Variants in HTT observed in about 807,000 individuals in gnomAD.
The protein encoded by HTT is huntingtin, also known as huntington disease protein.
Under a neutral mutation model 362.3 loss-of-function variants are expected in HTT, and 104 were observed. That is an observed-to-expected ratio of 0.29 (90% CI 0.24 to 0.34). HTT has a LOEUF of 0.34. HTT is among the 10% of genes least tolerant of loss of function. The pLI, the probability that HTT is intolerant of heterozygous loss-of-function variation, is 1.00. For missense variants in HTT, 3,301 were observed against 3,928.6 expected (o/e 0.84, Z 4.27); for synonymous variants, 1,577 against 1,548.7 (o/e 1.02, Z -0.43).
chr4:3,224,850 G>T (rs888375070), intron 56 of HTT, among the ~76,000 whole-genome samples: 1 of 152,336 alleles, frequency 6.6e-6, no homozygotes, highest in Non-Finnish European at 1.5e-5. Context: ...AGTAAACTGA[G>T]CACTTGGAGG....
At chr4:3,087,785 A>T (rs1713290697) in intron 2 of HTT, among the ~76,000 whole-genome samples, 1 of 152,224 alleles carries the variant, frequency 6.6e-6, no homozygotes, top group Non-Finnish European at 1.5e-5. Flanking sequence ...CTTTATAGTC[A>T]GTCAGAAAAA....
chr4:3,119,186 C>T (rs550577096), intron 8 of HTT, among the ~76,000 whole-genome samples: 1 of 152,178 alleles, frequency 6.6e-6, no homozygotes, highest in Non-Finnish European at 1.5e-5. Flanking sequence ...TATTAGAAAC[C>T]ATTCTTCTTG....
Position 3,095,439 on chromosome 4 carries a change from T to C in HTT, c.348-3835T>C, listed in dbSNP as rs191188666. On this transcript the variant is annotated intron_variant, in intron 2 of 66. Transcript: ENST00000355072. Reference sequence around the variant, plus strand: ...CACTTGGCAGGCTGAGGCAGGAGAATCAGGTAGGGAGGTTGCAGTGAGTAG... The same window carrying C: ...CACTTGGCAGGCTGAGGCAGGAGAACCAGGTAGGGAGGTTGCAGTGAGTAG... Among the ~76,000 whole-genome samples, 228 of 152,084 alleles carry C rather than the reference T, an allele frequency of 1.5e-3. 1 individual carries two copies. Among genetic ancestry groups the C allele is most frequent in the African/African-American group, 5.3e-3 (219 of 41,454 alleles).
intron 6 of HTT, among the ~76,000 whole-genome samples, chr4:3,114,644 T>C (rs992757565): frequency 2.6e-5 from 4 of 152,224 alleles, no homozygotes; most frequent in South Asian, 2.1e-4. Context: ...GGGAAATGGA[T>C]GTTCTTAAGT....
At chr4:3,076,893 T>G (rs1323312161) in intron 1 of HTT, among the ~76,000 whole-genome samples, 1 of 152,208 alleles carries the variant, frequency 6.6e-6, no homozygotes, top group African/African-American at 2.4e-5. Context: ...AAAAATTTAA[T>G]CAGGACTGGC....
At chr4:3,114,285 C>G (rs1382460607) in intron 6 of HTT, among the ~76,000 whole-genome samples, 1 of 152,216 alleles carries the variant, frequency 6.6e-6, no homozygotes, top group Non-Finnish European at 1.5e-5. Context: ...CCTGTCAACC[C>G]ACAACCTTCC....
intron 66 of HTT, among the ~76,000 whole-genome samples, chr4:3,239,329 C>T (rs1721698987): frequency 1.3e-5 from 2 of 152,192 alleles, no homozygotes; most frequent in African/African-American, 2.4e-5. Context: ...CACTGCTTCT[C>T]ATTAGCTTTG....
intron 19 of HTT, among the ~76,000 whole-genome samples, 197 bp from the exon 20 acceptor site, chr4:3,135,707 C>T (rs1716033282): frequency 6.6e-6 from 1 of 152,130 alleles, no homozygotes; most frequent in Admixed American, 6.5e-5. Flanking sequence ...TTACTGAGTA[C>T]TGTCTTATTG....
intron 42 of HTT, among the ~76,000 whole-genome samples, chr4:3,205,636 T>C (rs991580788): frequency 4.6e-5 from 7 of 152,332 alleles, no homozygotes; most frequent in Admixed American, 3.9e-4. Context: ...GCTGACATTA[T>C]GTTCAAAGGA....
At chr4:3,149,293 A>G (rs998038047) in intron 26 of HTT, among the ~76,000 whole-genome samples, 2 of 143,720 alleles carry the variant, frequency 1.4e-5, no homozygotes, top group Non-Finnish European at 3.0e-5. Flanking sequence ...CAGTTCACAT[A>G]CTTTTTTTTT....
In HTT at chr4:3,134,490, T is replaced by C. The variant is rs879597057; in HGVS notation, c.2583T>C (p.Tyr861=). ...TGCTGACTCTGAGGAACAGTTCCTA[T>C]TGGCTGGTGAGGACAGAGCTTCTGG... ...IDVLTLRNSS[Y]WLVRTELLET... is the part of the protein sequence containing the mutation. Residue 861 remains tyrosine (Y), a synonymous_variant, in exon 19 of 67, where the codon TAT becomes TAC. Transcript: ENST00000355072. 1.7e-5 allele frequency: 28 copies of C among 1,613,960 alleles called. No individual in the cohort carries two copies. The highest frequency in any genetic ancestry group is 2.2e-5 in the Non-Finnish European group (26 of 1,179,928).
chr4:3,132,423 T>G (rs1715864637), intron 16 of HTT, 139 bp from the exon 17 acceptor site: 6 of 664,050 alleles, frequency 9.0e-6, no homozygotes, highest in African/African-American at 7.3e-5. Context: ...TCACTTAGGG[T>G]TATTATAGTG....
chr4:3,173,068 A>C lies in HTT; in HGVS notation c.4103A>C (p.Gln1368Pro), dbSNP rs764816184. Reference sequence around the variant, plus strand: ...ATGGCCCCGTACACCCACTTCACCCAGGCCCTCGCTGACGCCAGCCTGAGG... The same window carrying C: ...ATGGCCCCGTACACCCACTTCACCCCGGCCCTCGCTGACGCCAGCCTGAGG... ...CFMAPYTHFTQALADASLRNM... is the reference protein window; with the variant it reads ...CFMAPYTHFTPALADASLRNM... Residue 1368 changes from glutamine (Q) to proline (P), a missense_variant, in exon 31 of 67, where the codon CAG becomes CCG. By Grantham distance (76) the Gln-to-Pro change is moderately conservative. Coordinates refer to ENST00000355072, the MANE Select transcript of HTT (RefSeq NM_001388492.1). 1 of 1,614,182 alleles carries C rather than the reference A, an allele frequency of 6.2e-7. No homozygotes were observed. Among genetic ancestry groups the C allele is most frequent in the East Asian group, 2.2e-5 (1 of 44,878 alleles).
At chr4:3,222,251 G>T in intron 53 of HTT, 136 bp from the exon 54 acceptor site, 1 of 645,130 alleles carries the variant, frequency 1.6e-6, no homozygotes, top group South Asian at 1.9e-5. Flanking sequence ...TCATAGAACT[G>T]TGTGAGGTTT....
chr4:3,166,377 A>G (rs1033661612), intron 29 of HTT, among the ~76,000 whole-genome samples: 1 of 152,228 alleles, frequency 6.6e-6, no homozygotes, highest in African/African-American at 2.4e-5. Context: ...CATGGGGGTC[A>G]GGGACCCACT....
At chr4:3,177,475 G>A in intron 34 of HTT, 88 bp downstream of exon 34, 3 of 854,822 alleles carry the variant, frequency 3.5e-6, no homozygotes, top group Non-Finnish European at 5.5e-6. Flanking sequence ...TTAAACTACT[G>A]TTAGGCATTT....
chr4:3,162,071 CTT>C (rs1717473965), intron 29 of HTT, among the ~76,000 whole-genome samples: 2 of 152,142 alleles, frequency 1.3e-5, no homozygotes, highest in African/African-American at 4.8e-5. Context: ...ATGTTTAAGT[CTT>C]TGATCCATCT....
intron 37 of HTT, among the ~76,000 whole-genome samples, chr4:3,183,126 C>T (rs1718605327): frequency 6.6e-6 from 1 of 152,262 alleles, no homozygotes; most frequent in South Asian, 2.1e-4. Flanking sequence ...AAGTGATCCA[C>T]CAACCTTGGC....
At chr4:3,153,083 C>T (rs1295269398) in intron 26 of HTT, among the ~76,000 whole-genome samples, 1 of 152,058 alleles carries the variant, frequency 6.6e-6, no homozygotes, top group Non-Finnish European at 1.5e-5. Context: ...AATACCATAG[C>T]CTGGGTGGCT....
Sources: gnomAD v4.1 joint callset for allele counts (sites outside exome capture counted in the v4.1 genomes callset) on GRCh38, gnomAD v4.1.1 for gene constraint, MANE v1.5 for transcripts, NCBI Gene and HGNC (gene_info 2026-07-23, HGNC 2026-07-21) for gene names.